The following ODAD4 variants were observed in gnomAD, a reference collection of about 807,000 sequenced individuals.
ODAD4 encodes the protein outer dynein arm docking complex subunit 4, also known as outer dynein arm-docking complex subunit 4.
In ODAD4, 49 loss-of-function variants were observed where a neutral mutation model predicts 51.8. The observed-to-expected ratio is 0.95, with a 90% CI of 0.75 to 1.20. The LOEUF (loss-of-function observed/expected upper bound fraction) is 1.20, where lower values mean the gene tolerates loss of function less well. Ranked by LOEUF, ODAD4 falls within the 50% of genes most tolerant of loss-of-function variation. The pLI is 0.00. For missense variants in ODAD4, 590 were observed against 586.5 expected (o/e 1.01, Z -0.06); for synonymous variants, 235 against 221.3 (o/e 1.06, Z -0.55).
At chr17:41,952,540 CAAAAAAAAAAAAAAA>C (rs11369140) in intron 9 of ODAD4, 46 of 113,862 alleles carry the variant, frequency 4.0e-4, no homozygotes, top group African/African-American at 2.8e-3. Context: ...ACCCTCACTC[CAAAAAAAAAAAAAAA>C]AAAAAAAAAA....
At position 41,965,103 on chromosome 17, in the gene ODAD4, GAGAC is replaced by G. The variant is rs1198460531; in HGVS notation, c.1643_1646del (p.Thr548MetfsTer41). 1 of 771,538 alleles carries G rather than the reference GAGAC, an allele frequency of 1.3e-6. No individual in the cohort carries two copies. The highest frequency in any genetic ancestry group is 1.7e-5 in the African/African-American group (1 of 58,976). The allele number at this position is 771,538 out of a possible 1,614,324, so 47.8% of individuals were successfully genotyped here. Reference sequence around the variant, plus strand: ...GTGGGACCATAGTGAGGATGAGAAAGAGACAGATGAGGACGATGAGGCTTTTGGG... The same window carrying G: ...GTGGGACCATAGTGAGGATGAGAAAGAGATGAGGACGATGAGGCTTTTGGG... On this transcript the variant is annotated frameshift_variant, in exon 12 of 12. Transcript: ENST00000377540. LOFTEE classifies it low-confidence loss of function (END_TRUNC).
rs920171587 is a variant in ODAD4 at position 41,966,230 on chromosome 17, T to A, written c.*747T>A. On this transcript the variant is annotated 3_prime_UTR_variant, in exon 12 of 12. Coordinates refer to ENST00000377540, the MANE Select transcript of ODAD4 (RefSeq NM_031421.5). ...GCCTCAGAGGATGTTAGGATTTCAC[T>A]CCGTTACTCATCTGTCCCTTTGGCC... Among the ~76,000 whole-genome samples, 1 of 152,084 alleles carries A rather than the reference T, an allele frequency of 6.6e-6. No individual in the cohort carries two copies. The highest frequency in any genetic ancestry group is 1.5e-5 in the Non-Finnish European group (1 of 68,024).
Position 41,930,628 on chromosome 17 carries a change from C to T in ODAD4, c.-96C>T. 1 of 819,930 alleles carries T rather than the reference C, an allele frequency of 1.2e-6. No individual in the cohort carries two copies. 50.8% of individuals were successfully genotyped at this position (819,930 alleles called of 1,614,324 possible). On this transcript the variant is annotated 5_prime_UTR_variant, in exon 1 of 12. Transcript: ENST00000377540. ...CGGAACCGGAAGTCGCTGTACATCT[C>T]ATGGTTGCTAAGAAACGGAGCTTCC...
At chr17:41,936,062 G>T (rs569160205) in intron 3 of ODAD4, among the ~76,000 whole-genome samples, 20 of 152,342 alleles carry the variant, frequency 1.3e-4, no homozygotes, top group African/African-American at 4.3e-4. Flanking sequence ...AAGCTATAAT[G>T]CGGTCCTGAG....
chr17:41,930,785 A>G lies in ODAD4; in HGVS notation c.62A>G (p.Glu21Gly), dbSNP rs190929235. The G allele has an allele frequency of 1.4e-4, 219 of 1,591,806 alleles. 1 individual carries two copies. The African/African-American group carries it at 2.7e-3, about 20-fold the overall frequency. The part of the protein sequence containing the change: ...STFPSYMAEG[E>G]RLYLCGEFSK... The stretch of plus-strand genomic sequence containing the variant: ...TTTCCCTCTTATATGGCCGAAGGCG[A>G]GCGGCTCTACCTGTGCGGGGAATTT... Residue 21 changes from glutamate (E) to glycine (G), a missense_variant, in exon 1 of 12, where the codon GAG (glutamate) becomes GGG (glycine). Physicochemically the swap from Glu to Gly is moderately conservative, Grantham distance 98. Transcript: ENST00000377540.
chr17:41,961,035 G>T (rs1340086199), intron 10 of ODAD4, among the ~76,000 whole-genome samples: 2 of 152,214 alleles, frequency 1.3e-5, no homozygotes, highest in Non-Finnish European at 2.9e-5. Flanking sequence ...CTGAGTGCTT[G>T]CAGGTTTGGA....
chr17:41,945,274 C>T lies in ODAD4; in HGVS notation c.1145+52C>T, dbSNP rs781888983. The T allele has an allele frequency of 1.2e-5, 17 of 1,397,774 alleles. No homozygotes were observed. In the South Asian group the frequency reaches 1.8e-4, roughly 15 times the overall value. 86.6% of individuals were successfully genotyped at this position (1,397,774 alleles called of 1,614,324 possible). ...CCACCTCCATGGTTAGAACTTCTCA[C>T]CATAACATGAAAATTTGTTTCCGGT... On this transcript the variant is annotated intron_variant, in intron 8 of 11. Coordinates refer to ENST00000377540, the MANE Select transcript of ODAD4 (RefSeq NM_031421.5).
intron 7 of ODAD4, among the ~76,000 whole-genome samples, chr17:41,943,200 T>G (rs1555638925): frequency 6.6e-6 from 1 of 152,232 alleles, no homozygotes; most frequent in Non-Finnish European, 1.5e-5. Flanking sequence ...ACCTACATAC[T>G]CATGTACATA....
At position 41,961,378 on chromosome 17, in the gene ODAD4, A is replaced by T; in HGVS notation, c.1444-4A>T. Reference sequence around the variant, plus strand: ...AGGGGCTAAGCTCCCTCTACCATCCACAGGCCTTGGACGATGCCAACAAGG... The same window carrying T: ...AGGGGCTAAGCTCCCTCTACCATCCTCAGGCCTTGGACGATGCCAACAAGG... On this transcript the variant is annotated splice_region_variant and splice_polypyrimidine_tract_variant and intron_variant, in intron 10 of 11. Transcript: ENST00000377540. The T allele has an allele frequency of 1.3e-6, 1 of 742,234 alleles. No homozygotes were observed. Among genetic ancestry groups the T allele is most frequent in the East Asian group, 2.6e-5 (1 of 39,204 alleles). 46.0% of individuals were successfully genotyped at this position (742,234 alleles called of 1,614,324 possible). A position where few individuals can be genotyped will look rare whatever the true frequency, so the allele number is the denominator to read the frequency against.
chr17:41,942,770 C>T (rs2050524061), intron 7 of ODAD4, among the ~76,000 whole-genome samples: 1 of 152,276 alleles, frequency 6.6e-6, no homozygotes, highest in Admixed American at 6.5e-5. Context: ...GGGACCAGGG[C>T]CTGCAGGCAG....
At position 41,965,326 on chromosome 17, in the gene ODAD4, A is replaced by G. The variant is rs375862808; in HGVS notation, c.1862A>G (p.Gln621Arg). 3 of 780,592 alleles carry G rather than the reference A, an allele frequency of 3.8e-6. No homozygotes were observed. Among genetic ancestry groups the G allele is most frequent in the Non-Finnish European group, 4.8e-6 (2 of 417,970 alleles). 48.4% of individuals were successfully genotyped at this position (780,592 alleles called of 1,614,324 possible). A position where few individuals can be genotyped will look rare whatever the true frequency, so the allele number is the denominator to read the frequency against. ...IYRRPSGELE[Q>R]RLSGEFSRQE... is the part of the protein sequence containing the mutation. ...AGGAGGCCTTCGGGAGAATTAGAGC[A>G]AAGACTCTCAGGAGAATTCAGCAGA... Residue 621 changes from glutamine (Q) to arginine (R), a missense_variant, in exon 12 of 12, where the codon CAA (glutamine) becomes CGA (arginine). By Grantham distance (43) the Gln-to-Arg change is conservative (BLOSUM62 1). Coordinates refer to ENST00000377540, the MANE Select transcript of ODAD4 (RefSeq NM_031421.5).
At chr17:41,940,449 G>A (rs2050490573) in intron 7 of ODAD4, among the ~76,000 whole-genome samples, 1 of 152,102 alleles carries the variant, frequency 6.6e-6, no homozygotes, top group Admixed American at 6.6e-5. Context: ...CCTGCCTCCT[G>A]CCCTTTCCTC....
At chr17:41,946,414 C>T (rs537182070) in intron 8 of ODAD4, among the ~76,000 whole-genome samples, 54 of 152,114 alleles carry the variant, frequency 3.5e-4, no homozygotes, top group Non-Finnish European at 7.3e-4. Flanking sequence ...CAACCTCTGC[C>T]TCTAGGTTCA....
Position 41,930,630 on chromosome 17 carries a change from T to C in ODAD4, c.-94T>C. ...GAACCGGAAGTCGCTGTACATCTCA[T>C]GGTTGCTAAGAAACGGAGCTTCCAC... On this transcript the variant is annotated 5_prime_UTR_variant, in exon 1 of 12. It removes an upstream start codon present in the reference 5' UTR. Transcript: ENST00000377540. 1.2e-6 allele frequency: 1 copy of C among 828,866 alleles called. No homozygotes were observed. The highest frequency in any genetic ancestry group is 2.0e-6 in the Non-Finnish European group (1 of 510,272). 51.3% of individuals were successfully genotyped at this position (828,866 alleles called of 1,614,324 possible). A position where few individuals can be genotyped will look rare whatever the true frequency, so the allele number is the denominator to read the frequency against.
intron 9 of ODAD4, among the ~76,000 whole-genome samples, chr17:41,953,817 G>A (rs2050691860): frequency 6.6e-6 from 1 of 151,294 alleles, no homozygotes; most frequent in Non-Finnish European, 1.5e-5. Flanking sequence ...ACATGCATGC[G>A]GCCTCACACC....
chr17:41,945,332 C>A, intron 8 of ODAD4, 110 bp downstream of exon 8: 4 of 654,228 alleles, frequency 6.1e-6, no homozygotes, highest in Non-Finnish European at 7.6e-6. Flanking sequence ...CATAGGAAGA[C>A]TCCCTCTCTA....
chr17:41,960,711 C>T (rs1555641586), intron 10 of ODAD4, among the ~76,000 whole-genome samples: 1 of 152,184 alleles, frequency 6.6e-6, no homozygotes, highest in African/African-American at 2.4e-5. Flanking sequence ...ATTGGCAACT[C>T]CAGGTAGGAA....
At chr17:41,953,653 TTA>T (rs139916074) in intron 9 of ODAD4, among the ~76,000 whole-genome samples, 40 of 148,578 alleles carry the variant, frequency 2.7e-4, no homozygotes, top group South Asian at 1.1e-3. Context: ...ATTAATTTAA[TTA>T]TATATATATA....
intron 9 of ODAD4, chr17:41,952,679 G>A (rs535487970): frequency 9.7e-6 from 5 of 516,572 alleles, no homozygotes; most frequent in African/African-American, 3.9e-5. Flanking sequence ...GGAATACTGC[G>A]ACTCCACATA....
Sources: gnomAD v4.1 joint callset for allele counts (sites outside exome capture counted in the v4.1 genomes callset) on GRCh38, gnomAD v4.1.1 for gene constraint, MANE v1.5 for transcripts, NCBI Gene and HGNC (gene_info 2026-07-23, HGNC 2026-07-21) for gene names.